Variants in PIK3C2G observed in about 807,000 individuals in gnomAD.
PIK3C2G encodes the protein phosphatidylinositol 3-kinase C2 domain-containing subunit gamma.
PIK3C2G carries 168 observed loss-of-function variants against 181.1 expected under a neutral mutation model. The observed-to-expected ratio is 0.93, with a 90% CI of 0.82 to 1.05. The LOEUF (loss-of-function observed/expected upper bound fraction) is 1.05. PIK3C2G is among the 50% of genes least tolerant of loss of function. The pLI, the probability that PIK3C2G is intolerant of heterozygous loss-of-function variation, is 0.00. For missense variants in PIK3C2G, 1,869 were observed against 1,732.8 expected, an observed-to-expected ratio of 1.08 and a Z score of -1.40; for synonymous variants, 573 against 592.2, an observed-to-expected ratio of 0.97 and a Z score of 0.47.
the PIK3C2G span, among the ~76,000 whole-genome samples, chr12:18,712,407 C>A: frequency 6.6e-6 from 1 of 152,102 alleles, no homozygotes; most frequent in Non-Finnish European, 1.5e-5. Context: ...ACATTTCTTA[C>A]TATATCAATA....
chr12:18,298,310 C>T (rs1950027598), intron 5 of PIK3C2G, among the ~76,000 whole-genome samples: 1 of 151,626 alleles, frequency 6.6e-6, no homozygotes, highest in African/African-American at 2.4e-5. Flanking sequence ...TACTTCTTGG[C>T]CATTTCTATG....
Position 18,594,562 on chromosome 12 carries a change from G to T in PIK3C2G, c.4080G>T (p.Val1360=), listed in dbSNP as rs1002936358. Residue 1360 remains valine (V), a synonymous_variant, in exon 30 of 33, where the codon GTG becomes GTT. Coordinates refer to ENST00000538779, the MANE Select transcript of PIK3C2G (RefSeq NM_001288772.2). ...VQQTVEESSP[V]YLGEKFPDKK... is the part of the protein sequence containing the mutation. ...AAACAGTTGAAGAATCATCACCTGT[G>T]TACCTAGGTAAGTAAATTTGTCATT... is the stretch of plus-strand genomic sequence containing the variant. The T allele has an allele frequency of 6.6e-7, 1 of 1,506,888 alleles. No individual in the cohort carries two copies. 93.3% of individuals were successfully genotyped at this position (1,506,888 alleles called of 1,614,324 possible). A position where few individuals can be genotyped will look rare whatever the true frequency, so the allele number is the denominator to read the frequency against.
the PIK3C2G span, among the ~76,000 whole-genome samples, chr12:18,697,179 G>A: frequency 6.6e-6 from 1 of 151,992 alleles, no homozygotes; most frequent in Non-Finnish European, 1.5e-5. Flanking sequence ...TGGGAGAATG[G>A]TTACTGCTTA....
chr12:18,462,238 C>A (rs11044130), intron 18 of PIK3C2G, among the ~76,000 whole-genome samples: 24,371 of 152,152 alleles, frequency 0.16, 2,333 homozygotes, highest in African/African-American at 0.27. Context: ...AATCCACAGT[C>A]TGTTAGCTAA....
intron 31 of PIK3C2G, among the ~76,000 whole-genome samples, chr12:18,624,672 CT>C (rs572301461): frequency 2.0e-5 from 3 of 151,070 alleles, no homozygotes; most frequent in Non-Finnish European, 4.4e-5. Flanking sequence ...AGGTCCTGGG[CT>C]TTTTTTTGAG....
intron 26 of PIK3C2G, among the ~76,000 whole-genome samples, chr12:18,557,648 G>A (rs1945080590): frequency 6.6e-6 from 1 of 151,966 alleles, no homozygotes; most frequent in Non-Finnish European, 1.5e-5. Flanking sequence ...AGTGCAGAGT[G>A]ACAAAAACAG....
chr12:18,559,815 TATATATAGAGAG>T (rs1475067790), intron 26 of PIK3C2G, among the ~76,000 whole-genome samples: 6 of 24,492 alleles, frequency 2.4e-4, no homozygotes, highest in East Asian at 1.4e-3. Flanking sequence ...TATATATATA[TATATATAGAGAG>T]AGAGAGAGAG....
chr12:18,567,095 A>T (rs1307878189), intron 29 of PIK3C2G, 38 bp downstream of exon 29: 12 of 942,708 alleles, frequency 1.3e-5, no homozygotes, highest in Admixed American at 3.9e-5. Context: ...TACATAAAAC[A>T]TCAACTATTT....
intron 18 of PIK3C2G, among the ~76,000 whole-genome samples, chr12:18,442,167 G>T (rs1200722947): frequency 6.6e-6 from 1 of 151,182 alleles, no homozygotes; most frequent in Non-Finnish European, 1.5e-5. Flanking sequence ...ATATTTAAAT[G>T]AAAGATATAT....
chr12:18,706,810 C>T, the PIK3C2G span, among the ~76,000 whole-genome samples: 1 of 152,190 alleles, frequency 6.6e-6, no homozygotes, highest in Non-Finnish European at 1.5e-5. Context: ...GCTGCTGTGA[C>T]AAAAATTACT....
At chr12:18,716,557 CT>C in the PIK3C2G span, among the ~76,000 whole-genome samples, 1 of 152,184 alleles carries the variant, frequency 6.6e-6, no homozygotes, top group African/African-American at 2.4e-5. Flanking sequence ...CTCTCATTCA[CT>C]GCTGTTTTTT....
chr12:18,538,749 A>T (rs80217321), intron 25 of PIK3C2G, among the ~76,000 whole-genome samples: 2,457 of 151,888 alleles, frequency 0.016, 81 homozygotes, highest in African/African-American at 0.055. Flanking sequence ...TCACTTGCCA[A>T]TTTCCCACAT....
chr12:18,684,042 G>A, the PIK3C2G span: 4 of 1,425,542 alleles, frequency 2.8e-6, no homozygotes, highest in South Asian at 4.8e-5. Flanking sequence ...CTTTATGATA[G>A]AGCTATTTGG....
the PIK3C2G span, among the ~76,000 whole-genome samples, chr12:18,676,894 T>C: frequency 6.6e-6 from 1 of 152,136 alleles, no homozygotes; most frequent in Non-Finnish European, 1.5e-5. Flanking sequence ...GATCTATGCA[T>C]TCCTCATTTT....
intron 29 of PIK3C2G, among the ~76,000 whole-genome samples, chr12:18,587,009 C>A (rs1024859106): frequency 6.6e-6 from 1 of 151,912 alleles, no homozygotes; most frequent in Non-Finnish European, 1.5e-5. Flanking sequence ...ATTCAACATC[C>A]CTTCATTTAA....
chr12:18,574,798 TCAA>T (rs1017823841), intron 29 of PIK3C2G, among the ~76,000 whole-genome samples: 3 of 152,194 alleles, frequency 2.0e-5, no homozygotes, highest in African/African-American at 7.2e-5. Flanking sequence ...AGCTGTCAGT[TCAA>T]CAACATTTCT....
intron 14 of PIK3C2G, among the ~76,000 whole-genome samples, chr12:18,387,491 T>G (rs73066526): frequency 0.099 from 14,995 of 152,166 alleles, 1,063 homozygotes; most frequent in Admixed American, 0.25. Context: ...TTATGTGAAT[T>G]TATGAATACT....
chr12:18,527,363 T>C (rs1197343360), intron 24 of PIK3C2G, among the ~76,000 whole-genome samples: 5 of 152,146 alleles, frequency 3.3e-5, no homozygotes, highest in African/African-American at 1.2e-4. Context: ...GAAACAACTA[T>C]GGGGTTCAAT....
chr12:18,418,095 T>C (rs2135683348), intron 16 of PIK3C2G, among the ~76,000 whole-genome samples: 1 of 152,214 alleles, frequency 6.6e-6, no homozygotes, highest in East Asian at 1.9e-4. Context: ...ATCCTAGCAA[T>C]AAAAAAGAAA....
Sources: gnomAD v4.1 joint callset for allele counts (sites outside exome capture counted in the v4.1 genomes callset) on GRCh38, gnomAD v4.1.1 for gene constraint, MANE v1.5 for transcripts, NCBI Gene and HGNC (gene_info 2026-07-23, HGNC 2026-07-21) for gene names.